TMX3: variants seen among roughly 807,000 people sequenced by gnomAD.
TMX3 encodes thioredoxin related transmembrane protein 3.
In TMX3, 40 loss-of-function variants were observed where a neutral mutation model predicts 64.4. The ratio of observed to expected loss-of-function variants is 0.62; its 90% confidence interval spans 0.48 to 0.81. The LOEUF is 0.81. Ranked by LOEUF, TMX3 falls within the 30% of genes least tolerant of loss-of-function variation. The probability of loss-of-function intolerance (pLI) is 0.00; values close to 1 mark genes in which losing one functional copy is unlikely to be tolerated. For missense variants in TMX3, 497 were observed against 534.5 expected (o/e 0.93, Z 0.69); for synonymous variants, 189 against 175.7 (o/e 1.08, Z -0.60).
At chr18:68,697,174 T>A in intron 8 of TMX3, 52 bp downstream of exon 8, 1 of 898,856 alleles carries the variant, frequency 1.1e-6, no homozygotes, top group Non-Finnish European at 1.7e-6. Flanking sequence ...TTAAATCAAG[T>A]AATAATTTAA....
At chr18:68,677,269 C>T in intron 15 of TMX3, 76 bp from the exon 16 acceptor site, 1 of 1,467,486 alleles carries the variant, frequency 6.8e-7, no homozygotes, top group South Asian at 1.3e-5. Flanking sequence ...AACTTGAAAC[C>T]ACTATAGATT....
chr18:68,682,501 A>C (rs1158919983), intron 13 of TMX3, among the ~76,000 whole-genome samples: 2 of 152,162 alleles, frequency 1.3e-5, no homozygotes, highest in East Asian at 3.8e-4. Flanking sequence ...AACAGATAAA[A>C]ATTTTAAAAT....
At chr18:68,683,073 T>C in intron 12 of TMX3, 92 bp from the exon 13 acceptor site, 2 of 1,213,848 alleles carry the variant, frequency 1.6e-6, no homozygotes, top group Non-Finnish European at 2.4e-6. Context: ...AAAAAGTAAA[T>C]AAAACAATGA....
intron 2 of TMX3, 115 bp from the exon 3 acceptor site, chr18:68,711,518 A>G (rs1386780663): frequency 1.6e-6 from 1 of 607,012 alleles, no homozygotes; most frequent in Non-Finnish European, 2.7e-6. Flanking sequence ...AATTCCTTCA[A>G]TAATACTTTA....
chr18:68,682,515 A>G (rs958340191), intron 13 of TMX3, among the ~76,000 whole-genome samples: 22 of 152,304 alleles, frequency 1.4e-4, no homozygotes, highest in Non-Finnish European at 2.9e-4. Flanking sequence ...TTAAAATTGC[A>G]TATTTTCTTA....
At chr18:68,700,973 C>A (rs1209324604) in intron 5 of TMX3, 1 of 985,030 alleles carries the variant, frequency 1.0e-6, no homozygotes, top group African/African-American at 1.7e-5. Context: ...GTACATAATT[C>A]TTCAAAAGCC....
At position 68,711,415 on chromosome 18, in the gene TMX3, G is replaced by T; in HGVS notation, c.102-12C>A. The T allele has an allele frequency of 6.4e-7, 1 of 1,569,906 alleles. No homozygotes were observed. Among genetic ancestry groups the T allele is most frequent in the African/African-American group, 1.4e-5 (1 of 73,526 alleles). ...GATTTTCTTTAAACCTAAAAAACAA[G>T]AAAACAAATGTTTGATTGTATGTTT... On this transcript the variant is annotated splice_polypyrimidine_tract_variant and intron_variant, in intron 2 of 15. Transcript: ENST00000299608.
intron 4 of TMX3, among the ~76,000 whole-genome samples, chr18:68,706,657 T>C (rs2030703815): frequency 6.6e-6 from 1 of 152,196 alleles, no homozygotes; most frequent in Admixed American, 6.5e-5. Flanking sequence ...AAGAGGTATC[T>C]ATGAAACAGC....
intron 6 of TMX3, among the ~76,000 whole-genome samples, chr18:68,698,866 A>C (rs113688275): frequency 1.2e-5 from 1 of 83,036 alleles, no homozygotes; most frequent in African/African-American, 3.1e-5. Context: ...AATACAAAAA[A>C]AAAAAATTAG....
rs556153733 is a variant in TMX3, at chr18:68,676,287, A to C, written c.*646T>G. On this transcript the variant is annotated 3_prime_UTR_variant, in exon 16 of 16. Coordinates refer to ENST00000299608, the MANE Select transcript of TMX3 (RefSeq NM_019022.5). ...CCTGTTTATTTTGCGAAAGTCAATC[A>C]CAAGACTTTTTTTCCCCATTATCTA... 347 of 152,300 alleles carry C rather than the reference A, an allele frequency of 2.3e-3. No individual in the cohort carries two copies. Among genetic ancestry groups the C allele is most frequent in the African/African-American group, 8.0e-3 (331 of 41,558 alleles). 9.4% of individuals were successfully genotyped at this position (152,300 alleles called of 1,614,324 possible).
At chr18:68,712,466 C>T (rs1363143412) in intron 2 of TMX3, among the ~76,000 whole-genome samples, 5 of 152,096 alleles carry the variant, frequency 3.3e-5, no homozygotes, top group South Asian at 2.1e-4. Flanking sequence ...TTGTGGATCC[C>T]GGAGGCAACT....
intron 4 of TMX3, among the ~76,000 whole-genome samples, chr18:68,707,479 A>G (rs562487021): frequency 6.6e-6 from 1 of 152,342 alleles, no homozygotes; most frequent in East Asian, 1.9e-4. Context: ...AGGGGCACTT[A>G]ATACTGAATA....
chr18:68,695,336 C>A (rs1333852206), intron 8 of TMX3, among the ~76,000 whole-genome samples: 4 of 152,178 alleles, frequency 2.6e-5, no homozygotes, highest in Non-Finnish European at 5.9e-5. Context: ...TTGCTGACCT[C>A]AGGTTCTGGG....
chr18:68,687,164 T>C, intron 10 of TMX3: 2 of 985,232 alleles, frequency 2.0e-6, no homozygotes, highest in Non-Finnish European at 2.4e-6. Flanking sequence ...TTCTTATTTT[T>C]ATAGTTTGCA....
Position 68,710,104 on chromosome 18 carries a change from G to T in TMX3, c.182C>A (p.Pro61Gln). Reference sequence around the variant, plus strand: ...CTCAAGACCAACTTCATTCCAAATTGGTTCCAGCTTTTTACAATGGCCACA... The same window carrying T: ...CTCAAGACCAACTTCATTCCAAATTTGTTCCAGCTTTTTACAATGGCCACA... The part of the protein sequence containing the change: ...PWCGHCKKLE[P>Q]IWNEVGLEMK... Residue 61 changes from proline to glutamine, a missense_variant, in exon 4 of 16, where the codon CCA becomes CAA. This residue lies in a region of TMX3 where 360 missense variants were observed against 383.5 expected (regional missense o/e 0.94). Transcript: ENST00000299608. The T allele has an allele frequency of 6.3e-7, 1 of 1,599,510 alleles. No individual in the cohort carries two copies. Among genetic ancestry groups the T allele is most frequent in the Non-Finnish European group, 8.5e-7 (1 of 1,173,508 alleles).
chr18:68,687,175 T>C (rs1048895883), intron 10 of TMX3: 53 of 985,248 alleles, frequency 5.4e-5, no homozygotes, highest in Non-Finnish European at 6.3e-5. Flanking sequence ...ATAGTTTGCA[T>C]CTGAGACCAT....
rs1366483245 is a variant in TMX3 at position 68,687,774 on chromosome 18, C to A, written c.638-9G>T. ...ATCACCATCTTCATACTCTTAAAAC[C>A]AAGACAAAGTTGACAAATTACAGTA... is the stretch of plus-strand genomic sequence containing the variant. On this transcript the variant is annotated splice_polypyrimidine_tract_variant and intron_variant, in intron 9 of 15. Transcript: ENST00000299608. 1.3e-6 allele frequency: 2 copies of A among 1,595,534 alleles called. No individual in the cohort carries two copies. The highest frequency in any genetic ancestry group is 1.7e-6 in the Non-Finnish European group (2 of 1,171,644).
Position 68,675,904 on chromosome 18 carries a change from A to C in TMX3, c.*1029T>G, listed in dbSNP as rs2144995751. 1 of 152,198 alleles carries C rather than the reference A, an allele frequency of 6.6e-6. No individual in the cohort carries two copies. The highest frequency in any genetic ancestry group is 1.5e-5 in the Non-Finnish European group (1 of 68,004). The allele number at this position is 152,198 out of a possible 1,614,324, so 9.4% of individuals were successfully genotyped here. A position where few individuals can be genotyped will look rare whatever the true frequency, so the allele number is the denominator to read the frequency against. On this transcript the variant is annotated 3_prime_UTR_variant, in exon 16 of 16. Coordinates refer to ENST00000299608, the MANE Select transcript of TMX3 (RefSeq NM_019022.5). Reference sequence around the variant, plus strand: ...GATGTGACTTGTCACTGGACATGCTAATGTCAGTCGTTACTCCTTATGAAG... The same window carrying C: ...GATGTGACTTGTCACTGGACATGCTCATGTCAGTCGTTACTCCTTATGAAG...
chr18:68,686,500 G>C (rs913270060), intron 10 of TMX3, among the ~76,000 whole-genome samples: 1 of 152,136 alleles, frequency 6.6e-6, no homozygotes, highest in Non-Finnish European at 1.5e-5. Flanking sequence ...CACGAGGTCA[G>C]GAGATCGAGC....
Sources: gnomAD v4.1 joint callset for allele counts (sites outside exome capture counted in the v4.1 genomes callset) on GRCh38, gnomAD v4.1.1 for gene constraint, gnomAD v4.1.1 regional missense constraint, MANE v1.5 for transcripts, NCBI Gene and HGNC (gene_info 2026-07-23, HGNC 2026-07-21) for gene names.